The following RAI1 variants were observed in gnomAD, a reference collection of about 807,000 sequenced individuals.
RAI1 encodes retinoic acid-induced protein 1.
RAI1 carries 9 observed loss-of-function variants against 123.8 expected under a neutral mutation model. The observed-to-expected ratio is 0.07, with a 90% CI of 0.04 to 0.13. The LOEUF is 0.13. Among genes scored for constraint, RAI1 ranks in the 10% least tolerant of loss-of-function variants. RAI1 has a pLI of 1.00. For missense variants in RAI1, 2,256 were observed against 2,545.8 expected, an observed-to-expected ratio of 0.89 and a Z score of 2.45; for synonymous variants, 1,231 against 1,127.3, an observed-to-expected ratio of 1.09 and a Z score of -1.84.
intron 1 of RAI1, among the ~76,000 whole-genome samples, chr17:17,696,802 C>G (rs573498065): frequency 9.8e-5 from 15 of 152,310 alleles, no homozygotes; most frequent in South Asian, 6.2e-4. Flanking sequence ...TTACTCTGGC[C>G]CAGATATGCC....
Position 17,795,804 on chromosome 17 carries a change from T to G in RAI1, c.2856T>G (p.Gly952=). 1.9e-6 allele frequency: 3 copies of G among 1,613,522 alleles called. No individual in the cohort carries two copies. The highest frequency in any genetic ancestry group is 2.5e-6 in the Non-Finnish European group (3 of 1,180,004). Residue 952 remains glycine (G), a synonymous_variant, in exon 3 of 6, where the codon GGT becomes GGG. Transcript: ENST00000353383. This position sits in a 1 kb window ranked among gnomAD's most constrained non-coding sequence, Gnocchi z 5.9. ...CCTCTCTGTCACACATGAAGCCAGG[T>G]GAAGAGGGGCCTGATGGGGAGCGAG... ...FESSLSHMKP[G]EEGPDGERAP... is the part of the protein sequence containing the mutation.
rs760090522 is a variant in RAI1, at chr17:17,796,393, C to T, written c.3445C>T (p.Arg1149Cys). Residue 1149 changes from arginine to cysteine, a missense_variant, in exon 3 of 6, where the codon CGC becomes TGC. By Grantham distance (180) the Arg-to-Cys change is radical. Around this residue, in one of 7 missense-constraint regions of RAI1, gnomAD observed 322 missense variants for 358.0 expected, o/e 0.90. Transcript: ENST00000353383. The surrounding 1 kb of genome is among the most constrained non-coding windows in gnomAD (Gnocchi z 5.8). ...CCAGCGCTCCATGATCCTTCGGTCA[C>T]GCACCAAAACCCAGGAGATCTTCCA... ...KDQRSMILRS[R>C]TKTQEIFHSK... 20 of 1,613,596 alleles carry T rather than the reference C, an allele frequency of 1.2e-5. No individual in the cohort carries two copies. Among genetic ancestry groups the T allele is most frequent in the African/African-American group, 1.1e-4 (8 of 74,938 alleles).
intron 1 of RAI1, among the ~76,000 whole-genome samples, chr17:17,686,972 C>A (rs1404465537): frequency 6.6e-6 from 1 of 152,088 alleles, no homozygotes; most frequent in Non-Finnish European, 1.5e-5. Flanking sequence ...GCCAGGTGAA[C>A]AATGAGCATC....
intron 2 of RAI1, among the ~76,000 whole-genome samples, chr17:17,766,877 C>G (rs1360522933): frequency 6.6e-6 from 1 of 151,878 alleles, no homozygotes; most frequent in East Asian, 1.9e-4. Flanking sequence ...CAGGGGCCAG[C>G]TCAGGGGAGG....
intron 2 of RAI1, among the ~76,000 whole-genome samples, chr17:17,784,996 C>T (rs906018957): frequency 1.3e-5 from 2 of 149,700 alleles, no homozygotes; most frequent in South Asian, 2.1e-4. Flanking sequence ...CTGATCACCT[C>T]CTCTCCCCAC....
intron 2 of RAI1, among the ~76,000 whole-genome samples, chr17:17,738,058 C>T (rs754972445): frequency 2.6e-5 from 4 of 151,888 alleles, no homozygotes; most frequent in Admixed American, 1.3e-4. Context: ...ATGAGGTGGA[C>T]GGCTGCTGGT....
chr17:17,796,453 C>T lies in RAI1; in HGVS notation c.3505C>T (p.Pro1169Ser), dbSNP rs755763844. 1 of 1,612,858 alleles carries T rather than the reference C, an allele frequency of 6.2e-7. No individual in the cohort carries two copies. Among genetic ancestry groups the T allele is most frequent in the Middle Eastern group, 1.7e-4 (1 of 6,060 alleles). ...GCGGAGGCCCTCTGAGGGCCGGCTC[C>T]CCAACTGCCGTGCCACCAAGAAGCT... is the stretch of plus-strand genomic sequence containing the variant. ...KRRRPSEGRL[P>S]NCRATKKLLD... The change falls in exon 3 of 6, where the codon CCC becomes TCC. Residue 1169 changes from proline (P) to serine (S), a missense_variant. Pro to Ser is a moderately conservative substitution (Grantham distance 74, BLOSUM62 -1). Around this residue, in one of 7 missense-constraint regions of RAI1, gnomAD observed 322 missense variants for 358.0 expected, o/e 0.90. Coordinates refer to ENST00000353383, the MANE Select transcript of RAI1 (RefSeq NM_030665.4). This position sits in a 1 kb window ranked among gnomAD's most constrained non-coding sequence, Gnocchi z 5.8.
At chr17:17,696,176 T>G (rs980897332) in intron 1 of RAI1, among the ~76,000 whole-genome samples, 1 of 152,244 alleles carries the variant, frequency 6.6e-6, no homozygotes, top group African/African-American at 2.4e-5. Context: ...AGTATATAAC[T>G]ACTGTCAACA....
chr17:17,757,239 C>T (rs546695391), intron 2 of RAI1, among the ~76,000 whole-genome samples: 32 of 152,284 alleles, frequency 2.1e-4, no homozygotes, highest in African/African-American at 7.2e-4. Context: ...GCTTCTCTGG[C>T]CTGAAGACGG....
At chr17:17,786,946 G>T (rs1189718386) in intron 2 of RAI1, among the ~76,000 whole-genome samples, 2 of 152,224 alleles carry the variant, frequency 1.3e-5, no homozygotes, top group African/African-American at 4.8e-5. Context: ...TGTGGCACAT[G>T]CCTGTAATCC....
At chr17:17,751,870 A>AT (rs907671078) in intron 2 of RAI1, among the ~76,000 whole-genome samples, 2 of 152,056 alleles carry the variant, frequency 1.3e-5, no homozygotes, top group Non-Finnish European at 2.9e-5. Flanking sequence ...GCCCTGTACA[A>AT]TTTACTGATT....
chr17:17,771,932 C>T (rs2031174997), intron 2 of RAI1, among the ~76,000 whole-genome samples: 1 of 152,214 alleles, frequency 6.6e-6, no homozygotes. Context: ...CTGCAGTGAG[C>T]CTAGGGGAAA....
chr17:17,769,068 C>T (rs973805529), intron 2 of RAI1, among the ~76,000 whole-genome samples: 9 of 152,202 alleles, frequency 5.9e-5, no homozygotes, highest in Admixed American at 1.3e-4. Context: ...GGAAGGAGCC[C>T]CCAGGACTCG....
At chr17:17,752,747 T>C (rs905882871) in intron 2 of RAI1, among the ~76,000 whole-genome samples, 13 of 152,226 alleles carry the variant, frequency 8.5e-5, no homozygotes, top group African/African-American at 3.1e-4. Context: ...ACGTCATTCC[T>C]GGACACTCTT....
chr17:17,690,602 A>C (rs1411258690), intron 1 of RAI1, among the ~76,000 whole-genome samples: 1 of 152,204 alleles, frequency 6.6e-6, no homozygotes, highest in African/African-American at 2.4e-5. Context: ...CAAATGAGAT[A>C]GGGCCTCTAA....
chr17:17,797,100 T>C lies in RAI1; in HGVS notation c.4152T>C (p.Asn1384=). Residue 1384 remains asparagine, a synonymous_variant, in exon 3 of 6, where the codon AAT becomes AAC. Transcript: ENST00000353383. ...TGGGGGTGGAAGAAGGCCTGGTAAA[T>C]GTGGGCACCGGGCAGAAGCTCCCAA... ...SPVGVEEGLV[N]VGTGQKLPTS... is the part of the protein sequence containing the mutation. 1 of 1,613,918 alleles carries C rather than the reference T, an allele frequency of 6.2e-7. No homozygotes were observed. Among genetic ancestry groups the C allele is most frequent in the Non-Finnish European group, 8.5e-7 (1 of 1,180,008 alleles).
chr17:17,794,494 G>A lies in RAI1; in HGVS notation c.1546G>A (p.Asp516Asn), dbSNP rs746113774. 12 of 1,611,762 alleles carry A rather than the reference G, an allele frequency of 7.4e-6. No homozygotes were observed. Among genetic ancestry groups the A allele is most frequent in the East Asian group, 2.2e-5 (1 of 44,878 alleles). ...QSTHAEPQEA[D>N]YLSGSEDPLE... Reference sequence around the variant, plus strand: ...CACGCATGCGGAGCCGCAGGAGGCCGACTACCTGAGCGGCTCCGAGGACCC... The same window carrying A: ...CACGCATGCGGAGCCGCAGGAGGCCAACTACCTGAGCGGCTCCGAGGACCC... Residue 516 changes from aspartate to asparagine, a missense_variant, in exon 3 of 6, where the codon GAC becomes AAC. Asp to Asn is a conservative substitution (Grantham distance 23). Coordinates refer to ENST00000353383, the MANE Select transcript of RAI1 (RefSeq NM_030665.4).
chr17:17,747,927 T>C (rs561086691), intron 2 of RAI1, among the ~76,000 whole-genome samples: 1 of 152,278 alleles, frequency 6.6e-6, no homozygotes, highest in South Asian at 2.1e-4. Context: ...TAGCTGAGCA[T>C]GGTGGAGTGT....
chr17:17,789,489 G>A (rs2031939106), intron 2 of RAI1, among the ~76,000 whole-genome samples: 1 of 152,204 alleles, frequency 6.6e-6, no homozygotes, highest in Non-Finnish European at 1.5e-5. Context: ...AGAGCCGCTG[G>A]CCTTGCACCG....
Sources: allele counts gnomAD v4.1 joint callset (sites outside exome capture counted in the v4.1 genomes callset), GRCh38; gene constraint gnomAD v4.1.1; regional missense constraint gnomAD v4.1.1; non-coding constraint Gnocchi (gnomAD v3.1); transcripts MANE v1.5; gene names NCBI Gene and HGNC (gene_info 2026-07-23, HGNC 2026-07-21).